The following RNGTT variants were observed in gnomAD, a reference collection of about 807,000 sequenced individuals.
The protein encoded by RNGTT is mRNA-capping enzyme.
RNGTT carries 33 observed loss-of-function variants against 79.3 expected under a neutral mutation model. The ratio of observed to expected loss-of-function variants is 0.42; its 90% CI spans 0.32 to 0.56. The LOEUF (loss-of-function observed/expected upper bound fraction) is 0.56. Among genes scored for constraint, RNGTT ranks in the 20% least tolerant of loss-of-function variants. RNGTT has a pLI of 0.17. For synonymous variants in RNGTT, 222 were observed against 235.9 expected (o/e 0.94, Z 0.54); for missense variants, 497 against 739.1 (o/e 0.67, Z 3.80).
At chr6:88,617,041 G>C (rs1772254783) in intron 14 of RNGTT, among the ~76,000 whole-genome samples, 1 of 152,218 alleles carries the variant, frequency 6.6e-6, no homozygotes, top group Non-Finnish European at 1.5e-5. Flanking sequence ...GGGAGGCCGA[G>C]GTGGGCAGAT....
chr6:88,786,298 T>A (rs1238197263), intron 12 of RNGTT, among the ~76,000 whole-genome samples: 4 of 152,154 alleles, frequency 2.6e-5, no homozygotes, highest in African/African-American at 9.6e-5. Flanking sequence ...ATATGCTACA[T>A]AAATCTACAC....
rs543146190 is a variant in RNGTT at position 88,816,995 on chromosome 6, C to A, written c.1270-15363G>T. ...TCAACACTGGAACTTTGAACTCAAT[C>A]CTTAAAGTCTGGCCAGTAATACAGT... is the stretch of plus-strand genomic sequence containing the variant. On this transcript the variant is annotated intron_variant, in intron 11 of 15. Coordinates refer to ENST00000369485, the MANE Select transcript of RNGTT (RefSeq NM_003800.5). 2.0e-5 allele frequency among the ~76,000 whole-genome samples: 3 copies of A among 152,222 alleles called. No individual in the cohort carries two copies. The South Asian group carries it at 6.2e-4, about 32-fold the overall frequency.
chr6:88,637,204 A>G lies in RNGTT; in HGVS notation c.1507-22809T>C, dbSNP rs141358865. Among the ~76,000 whole-genome samples the G allele has an allele frequency of 2.4e-4, 36 of 152,222 alleles. 1 individual carries two copies. In the East Asian group the frequency reaches 6.2e-3, roughly 26 times the overall value. ...AGAAAAGTATGATGATATATCACAT[A>G]AACAGAAGAATTTTCTTCCATTCCC... On this transcript the variant is annotated intron_variant, in intron 14 of 15. Transcript: ENST00000369485.
At chr6:88,632,822 A>G (rs1772952247) in intron 14 of RNGTT, among the ~76,000 whole-genome samples, 1 of 152,204 alleles carries the variant, frequency 6.6e-6, no homozygotes, top group Non-Finnish European at 1.5e-5. Flanking sequence ...TGAATTTTAT[A>G]AACAATAAAG....
At chr6:88,921,368 A>T (rs1160101096) in intron 4 of RNGTT, among the ~76,000 whole-genome samples, 2 of 152,176 alleles carry the variant, frequency 1.3e-5, no homozygotes, top group Admixed American at 1.3e-4. Flanking sequence ...TTGTTAATTT[A>T]TCAATTACAG....
intron 8 of RNGTT, among the ~76,000 whole-genome samples, chr6:88,869,617 G>T (rs1162007263): frequency 6.6e-6 from 1 of 152,054 alleles, no homozygotes; most frequent in Non-Finnish European, 1.5e-5. Flanking sequence ...TTTAACACTA[G>T]TAAGTAATTC....
chr6:88,891,920 A>T lies in RNGTT; in HGVS notation c.685-5T>A. Reference sequence around the variant, plus strand: ...ACCTTCCAAGAAAATAGCGCCCTTTAAAAAAAAAATAAGAAAAATAAGGGA... The same window carrying T: ...ACCTTCCAAGAAAATAGCGCCCTTTTAAAAAAAAATAAGAAAAATAAGGGA... On this transcript the variant is annotated splice_region_variant and splice_polypyrimidine_tract_variant and intron_variant, in intron 6 of 15. Transcript: ENST00000369485. 7 of 1,169,580 alleles carry T rather than the reference A, an allele frequency of 6.0e-6. No individual in the cohort carries two copies. Among genetic ancestry groups the T allele is most frequent in the Non-Finnish European group, 5.8e-6 (5 of 868,166 alleles). The allele number at this position is 1,169,580 out of a possible 1,614,324, so 72.5% of individuals were successfully genotyped here. A position where few individuals can be genotyped will look rare whatever the true frequency, so the allele number is the denominator to read the frequency against.
intron 2 of RNGTT, among the ~76,000 whole-genome samples, chr6:88,930,546 G>T (rs185531195): frequency 6.6e-4 from 99 of 150,926 alleles, no homozygotes; most frequent in Admixed American, 1.3e-3. Flanking sequence ...AAGGTAAATT[G>T]TTTAAAAAAA....
intron 11 of RNGTT, among the ~76,000 whole-genome samples, chr6:88,835,628 C>G (rs1005482342): frequency 3.3e-5 from 5 of 151,996 alleles, no homozygotes; most frequent in Non-Finnish European, 5.9e-5. Context: ...AATTATGAAA[C>G]ATAAAAAGCA....
At chr6:88,680,441 C>A (rs559025421) in intron 13 of RNGTT, among the ~76,000 whole-genome samples, 1 of 152,126 alleles carries the variant, frequency 6.6e-6, no homozygotes, top group African/African-American at 2.4e-5. Flanking sequence ...CTGTCCCCTA[C>A]GTTCTATAAG....
chr6:88,871,355 T>G (rs1782349311), intron 8 of RNGTT, among the ~76,000 whole-genome samples: 1 of 149,078 alleles, frequency 6.7e-6, no homozygotes, highest in Non-Finnish European at 1.5e-5. Flanking sequence ...ATAGCAGAGT[T>G]TTTTTTTTTT....
At chr6:88,768,399 C>T (rs1290636561) in intron 13 of RNGTT, among the ~76,000 whole-genome samples, 1 of 152,190 alleles carries the variant, frequency 6.6e-6, no homozygotes, top group Non-Finnish European at 1.5e-5. Context: ...TGAGCCACTG[C>T]ACCCAGCCTC....
At chr6:88,740,770 G>A (rs1464753887) in intron 13 of RNGTT, among the ~76,000 whole-genome samples, 3 of 152,106 alleles carry the variant, frequency 2.0e-5, no homozygotes, top group Non-Finnish European at 4.4e-5. Flanking sequence ...GAGGGGTGGA[G>A]GACGAGGGGA....
intron 14 of RNGTT, among the ~76,000 whole-genome samples, chr6:88,656,984 G>A (rs1178601262): frequency 3.3e-5 from 5 of 151,976 alleles, no homozygotes; most frequent in Admixed American, 1.3e-4. Flanking sequence ...CCAGCTACTC[G>A]AGAGGCTGAG....
chr6:88,665,750 G>A (rs755637509), intron 14 of RNGTT, among the ~76,000 whole-genome samples: 3 of 152,164 alleles, frequency 2.0e-5, no homozygotes, highest in South Asian at 2.1e-4. Flanking sequence ...GCACTGGCTC[G>A]AGACCTCCAA....
At chr6:88,928,733 G>A (rs1784395990) in intron 4 of RNGTT, among the ~76,000 whole-genome samples, 1 of 152,140 alleles carries the variant, frequency 6.6e-6, no homozygotes, top group Admixed American at 6.5e-5. Flanking sequence ...AAATAAATAT[G>A]TAGTGTTTAG....
Position 88,930,656 on chromosome 6 carries a change from G to A in RNGTT, c.175-1389C>T, listed in dbSNP as rs114840184. On this transcript the variant is annotated intron_variant, in intron 2 of 15. Coordinates refer to ENST00000369485, the MANE Select transcript of RNGTT (RefSeq NM_003800.5). Reference sequence around the variant, plus strand: ...TTAAGAACACTACAGAAGCTATATGGAAAGGAAGAAAAGAGAAGCAGACCC... The same window carrying A: ...TTAAGAACACTACAGAAGCTATATGAAAAGGAAGAAAAGAGAAGCAGACCC... Among the ~76,000 whole-genome samples the A allele has an allele frequency of 1.0e-3, 152 of 152,174 alleles. 1 individual carries two copies. Among genetic ancestry groups the A allele is most frequent in the African/African-American group, 3.6e-3 (150 of 41,514 alleles).
At chr6:88,890,634 T>C (rs9353632) in intron 7 of RNGTT, 38 bp from the exon 8 acceptor site, 43,053 of 1,438,240 alleles carry the variant, frequency 0.03, 904 homozygotes, top group African/African-American at 0.077. Flanking sequence ...GTGGCTGGTA[T>C]CCATACAAAG....
intron 12 of RNGTT, among the ~76,000 whole-genome samples, chr6:88,791,327 T>C (rs1779401512): frequency 6.6e-6 from 1 of 151,706 alleles, no homozygotes; most frequent in African/African-American, 2.4e-5. Flanking sequence ...TTTATAGAGA[T>C]GGGGTCTCAC....
Sources: allele counts gnomAD v4.1 joint callset (sites outside exome capture counted in the v4.1 genomes callset), GRCh38; gene constraint gnomAD v4.1.1; transcripts MANE v1.5; gene names NCBI Gene and HGNC (gene_info 2026-07-23, HGNC 2026-07-21).